TTLL7: variants seen among roughly 807,000 people sequenced by gnomAD.
TTLL7 encodes the protein tubulin tyrosine ligase like 7.
TTLL7 carries 53 observed loss-of-function variants against 120.2 expected under a neutral mutation model. The observed-to-expected ratio is 0.44, with a 90% CI of 0.35 to 0.55. The LOEUF is 0.55. Ranked by LOEUF, TTLL7 falls within the 20% of genes least tolerant of loss-of-function variation. The pLI is 0.00. For synonymous variants in TTLL7, 353 were observed against 351.7 expected, an observed-to-expected ratio of 1.00 and a Z score of -0.04; for missense variants, 803 against 1,054.7, an observed-to-expected ratio of 0.76 and a Z score of 3.31.
At position 83,961,599 on chromosome 1, in the gene TTLL7, A is replaced by C. The variant is rs370555709; in HGVS notation, c.-176-9212T>G. Among the ~76,000 whole-genome samples, 5 of 152,250 alleles carry C rather than the reference A, an allele frequency of 3.3e-5. No individual in the cohort carries two copies. In the South Asian group the frequency reaches 6.2e-4, roughly 19 times the overall value. On this transcript the variant is annotated intron_variant, in intron 1 of 20. Transcript: ENST00000260505. Reference sequence around the variant, plus strand: ...ATGAAAAAGGAGAAAATCTTACTCAATAAGTGGTGAATTAAATAAAGTTCA... The same window carrying C: ...ATGAAAAAGGAGAAAATCTTACTCACTAAGTGGTGAATTAAATAAAGTTCA...
intron 1 of TTLL7, among the ~76,000 whole-genome samples, chr1:83,957,921 T>C (rs1247479617): frequency 6.6e-6 from 1 of 152,184 alleles, no homozygotes; most frequent in Non-Finnish European, 1.5e-5. Context: ...TATCTATTGT[T>C]TAAGCTACCT....
intron 7 of TTLL7, among the ~76,000 whole-genome samples, chr1:83,938,624 C>T (rs1571246205): frequency 6.6e-6 from 1 of 152,122 alleles, no homozygotes; most frequent in African/African-American, 2.4e-5. Context: ...AGTACCGTAT[C>T]GTCCTCCATA....
intron 1 of TTLL7, among the ~76,000 whole-genome samples, chr1:83,953,651 C>T (rs1173937066): frequency 6.6e-6 from 1 of 152,010 alleles, no homozygotes; most frequent in East Asian, 1.9e-4. Context: ...CATTAACAAA[C>T]TTTAAATTTA....
chr1:83,873,874 C>G (rs1341054090), intron 20 of TTLL7, among the ~76,000 whole-genome samples: 1 of 152,038 alleles, frequency 6.6e-6, no homozygotes, highest in Non-Finnish European at 1.5e-5. Flanking sequence ...CTGATTTCCC[C>G]AGAATAATTT....
intron 15 of TTLL7, among the ~76,000 whole-genome samples, chr1:83,908,778 GAATACCCAAA>G (rs1657431045): frequency 6.6e-6 from 1 of 151,508 alleles, no homozygotes; most frequent in East Asian, 1.9e-4. Flanking sequence ...AAGCCAGGTT[GAATACCCAAA>G]TATTTCTCTT....
intron 18 of TTLL7, among the ~76,000 whole-genome samples, chr1:83,894,417 G>A (rs1402054283): frequency 6.6e-6 from 1 of 152,100 alleles, no homozygotes; most frequent in Non-Finnish European, 1.5e-5. Flanking sequence ...AGACCATGGA[G>A]TATTCATTCA....
rs533996450 is a variant in TTLL7 at position 83,978,684 on chromosome 1, C to A, written c.-177+20247G>T. 2.0e-4 allele frequency among the ~76,000 whole-genome samples: 30 copies of A among 151,750 alleles called. No individual in the cohort carries two copies. The South Asian group carries it at 6.3e-3, about 32-fold the overall frequency. ...AATCAGAATTATATCAGAAGGCTTT[C>A]AAAAAAGGAAGAGGTACTTTGGCAC... On this transcript the variant is annotated intron_variant, in intron 1 of 20. Transcript: ENST00000260505.
chr1:83,946,399 T>G (rs187176510), intron 6 of TTLL7: 1 of 152,286 alleles, frequency 6.6e-6, no homozygotes. Flanking sequence ...TTTGAAAAAG[T>G]ACATTGCAGA....
intron 19 of TTLL7, among the ~76,000 whole-genome samples, chr1:83,884,117 C>T (rs967865270): frequency 5.3e-5 from 8 of 151,444 alleles, no homozygotes; most frequent in Non-Finnish European, 1.0e-4. Flanking sequence ...CACCTCACTA[C>T]TCCACCAGTA....
chr1:83,975,461 A>G (rs940963667), intron 1 of TTLL7, among the ~76,000 whole-genome samples: 2 of 152,116 alleles, frequency 1.3e-5, no homozygotes, highest in African/African-American at 2.4e-5. Flanking sequence ...AACTTGTCAA[A>G]GACTTAGACA....
chr1:83,887,991 C>T (rs1357007592), intron 19 of TTLL7, among the ~76,000 whole-genome samples: 2 of 151,938 alleles, frequency 1.3e-5, no homozygotes, highest in Non-Finnish European at 2.9e-5. Context: ...GAGAAACTGG[C>T]AGGCAGTATT....
At chr1:83,871,172 C>T (rs760428361) in intron 20 of TTLL7, among the ~76,000 whole-genome samples, 1 of 151,896 alleles carries the variant, frequency 6.6e-6, no homozygotes, top group Non-Finnish European at 1.5e-5. Flanking sequence ...TGTGCTACCA[C>T]GCCCAGCTAA....
intron 19 of TTLL7, among the ~76,000 whole-genome samples, chr1:83,885,977 A>G (rs1157369645): frequency 6.6e-6 from 1 of 152,058 alleles, no homozygotes; most frequent in Non-Finnish European, 1.5e-5. Context: ...AAATTAAATG[A>G]TTAAAAAGTT....
chr1:83,947,900 ACTTT>A (rs1030150152), intron 5 of TTLL7, among the ~76,000 whole-genome samples: 7 of 152,040 alleles, frequency 4.6e-5, no homozygotes, highest in African/African-American at 1.7e-4. Context: ...TTATCACTCA[ACTTT>A]CTTAAGTTAA....
chr1:83,990,101 T>G (rs1215584428), intron 1 of TTLL7, among the ~76,000 whole-genome samples: 1 of 152,140 alleles, frequency 6.6e-6, no homozygotes, highest in East Asian at 1.9e-4. Flanking sequence ...TGGCAGAGTC[T>G]TTAGGGTTTT....
intron 10 of TTLL7, among the ~76,000 whole-genome samples, chr1:83,923,954 T>C (rs1658897394): frequency 6.6e-6 from 1 of 152,168 alleles, no homozygotes; most frequent in Non-Finnish European, 1.5e-5. Flanking sequence ...TGCTGTATAC[T>C]CCAGGAATGT....
At chr1:83,906,606 C>T (rs1657221623) in intron 16 of TTLL7, 143 bp from the exon 17 acceptor site, 6 of 1,158,838 alleles carry the variant, frequency 5.2e-6, no homozygotes, top group South Asian at 1.4e-5. Context: ...TTCTTTTACA[C>T]TTGTGAATTC....
chr1:83,992,237 T>C (rs1653068001), intron 1 of TTLL7, among the ~76,000 whole-genome samples: 1 of 152,098 alleles, frequency 6.6e-6, no homozygotes, highest in African/African-American at 2.4e-5. Flanking sequence ...CCTTTCAAAT[T>C]TTCCTTACTA....
At position 83,876,793 on chromosome 1, in the gene TTLL7, A is replaced by T. The variant is rs576881472; in HGVS notation, c.2543+6170T>A. On this transcript the variant is annotated intron_variant, in intron 20 of 20. Coordinates refer to ENST00000260505, the MANE Select transcript of TTLL7 (RefSeq NM_024686.6). ...TTATATGATTTCATCAAAATTGTTAAATTCACTTTATAATTTATCATAGAT... is the reference window on the plus strand; with the variant it reads ...TTATATGATTTCATCAAAATTGTTATATTCACTTTATAATTTATCATAGAT... Among the ~76,000 whole-genome samples, 33 of 152,122 alleles carry T rather than the reference A, an allele frequency of 2.2e-4. No homozygotes were observed. The South Asian group carries it at 5.4e-3, about 25-fold the overall frequency.
Sources: gnomAD v4.1 joint callset for allele counts (sites outside exome capture counted in the v4.1 genomes callset) on GRCh38, gnomAD v4.1.1 for gene constraint, MANE v1.5 for transcripts, NCBI Gene and HGNC (gene_info 2026-07-23, HGNC 2026-07-21) for gene names.